Variants in LYAR observed in about 807,000 individuals in gnomAD.
The protein encoded by LYAR is cell growth-regulating nucleolar protein.
A neutral mutation model predicts 45.2 loss-of-function variants in LYAR; 37 were observed. The observed-to-expected ratio is 0.82, with a 90% CI of 0.63 to 1.08. The LOEUF (loss-of-function observed/expected upper bound fraction) is 1.08, where lower values mean the gene tolerates loss of function less well. Ranked by LOEUF, LYAR falls within the 50% of genes least tolerant of loss-of-function variation. LYAR has a pLI of 0.00. For missense variants in LYAR, 493 were observed against 451.0 expected, an observed-to-expected ratio of 1.09 and a Z score of -0.84; for synonymous variants, 176 against 155.1, an observed-to-expected ratio of 1.14 and a Z score of -1.00.
intron 8 of LYAR, among the ~76,000 whole-genome samples, 174 bp downstream of exon 8, chr4:4,273,407 TTC>T (rs1719021480): frequency 6.6e-6 from 1 of 152,218 alleles, no homozygotes; most frequent in Non-Finnish European, 1.5e-5. Context: ...GACCGTGTAT[TTC>T]TCTCTTTTCT....
intron 8 of LYAR, 162 bp from the exon 9 acceptor site, chr4:4,268,777 A>G: frequency 1.8e-6 from 1 of 566,516 alleles, no homozygotes; most frequent in Non-Finnish European, 3.1e-6. Flanking sequence ...CCAATGTCCT[A>G]GAAGCACTCA....
At chr4:4,268,153 C>G (rs1718788945) in intron 9 of LYAR, 130 bp from the exon 10 acceptor site, 2 of 840,092 alleles carry the variant, frequency 2.4e-6, no homozygotes, top group African/African-American at 1.8e-5. Context: ...CACCGGCGTG[C>G]TCTCCTTGGA....
chr4:4,284,758 G>T (rs1241447450), intron 2 of LYAR, among the ~76,000 whole-genome samples: 1 of 152,104 alleles, frequency 6.6e-6, no homozygotes, highest in African/African-American at 2.4e-5. Flanking sequence ...AAACAGCATT[G>T]TTGTTTTACA....
intron 2 of LYAR, among the ~76,000 whole-genome samples, chr4:4,284,653 G>A (rs942406542): frequency 1.3e-5 from 2 of 152,166 alleles, no homozygotes; most frequent in African/African-American, 4.8e-5. Context: ...TCACAGAAAT[G>A]CTACCGTGCT....
At position 4,283,764 on chromosome 4, in the gene LYAR, T is replaced by G. The variant is rs373265074; in HGVS notation, c.-22A>C. The stretch of plus-strand genomic sequence containing the variant: ...CCATTTTTAGGTAAATGGCTAAATA[T>G]TCTCTATCCAAGACAGGTTTTAAGT... On this transcript the variant is annotated 5_prime_UTR_variant, in exon 3 of 10. Coordinates refer to ENST00000343470, the MANE Select transcript of LYAR (RefSeq NM_017816.3). The G allele has an allele frequency of 2.9e-5, 46 of 1,600,270 alleles. No homozygotes were observed. Among genetic ancestry groups the G allele is most frequent in the Non-Finnish European group, 3.8e-5 (45 of 1,174,190 alleles).
At chr4:4,287,388 G>A (rs1288170883) in intron 1 of LYAR, among the ~76,000 whole-genome samples, 2 of 152,146 alleles carry the variant, frequency 1.3e-5, no homozygotes, top group African/African-American at 4.8e-5. Flanking sequence ...GGGCCCTCAC[G>A]CAGGTCCTCT....
chr4:4,275,783 C>A (rs1719155300), intron 6 of LYAR, among the ~76,000 whole-genome samples: 1 of 152,106 alleles, frequency 6.6e-6, no homozygotes, highest in Admixed American at 6.5e-5. Context: ...GCAACCTCCA[C>A]CTCCCAGATT....
At chr4:4,268,688 G>A in intron 8 of LYAR, 73 bp from the exon 9 acceptor site, 1 of 934,150 alleles carries the variant, frequency 1.1e-6, no homozygotes, top group Admixed American at 2.1e-5. Flanking sequence ...AACAACTTCT[G>A]CAACACCTAT....
At chr4:4,283,158 T>TC (rs937002137) in intron 3 of LYAR, among the ~76,000 whole-genome samples, 2 of 151,998 alleles carry the variant, frequency 1.3e-5, no homozygotes, top group African/African-American at 4.8e-5. Flanking sequence ...AGCACATTTC[T>TC]CCCCCCCAAG....
intron 2 of LYAR, among the ~76,000 whole-genome samples, chr4:4,286,069 A>G (rs2117286): frequency 0.39 from 59,345 of 152,066 alleles, 12,465 homozygotes; most frequent in East Asian, 0.55. Flanking sequence ...GTTTAAGGCC[A>G]AATGGGTGGA....
chr4:4,267,805 T>A lies in LYAR; in HGVS notation c.*84A>T. The A allele has an allele frequency of 8.5e-7, 1 of 1,180,250 alleles. No homozygotes were observed. The highest frequency in any genetic ancestry group is 1.1e-6 in the Non-Finnish European group (1 of 892,650). The allele number at this position is 1,180,250 out of a possible 1,614,324, so 73.1% of individuals were successfully genotyped here. On this transcript the variant is annotated 3_prime_UTR_variant, in exon 10 of 10. Coordinates refer to ENST00000343470, the MANE Select transcript of LYAR (RefSeq NM_017816.3). ...CAGCTTCAAAAAGCAAAATTTGAGT[T>A]GTTAGAATTCATTACACATTTTATA...
intron 8 of LYAR, among the ~76,000 whole-genome samples, chr4:4,271,388 C>A (rs1402351269): frequency 6.6e-6 from 1 of 152,204 alleles, no homozygotes; most frequent in African/African-American, 2.4e-5. Flanking sequence ...TGTGTACATG[C>A]ACCACATTTT....
At chr4:4,269,866 GATAA>G (rs1468582479) in intron 8 of LYAR, among the ~76,000 whole-genome samples, 1 of 152,212 alleles carries the variant, frequency 6.6e-6, no homozygotes, top group Non-Finnish European at 1.5e-5. Flanking sequence ...TATGTGAGGT[GATAA>G]ATGTGTTAAT....
chr4:4,280,282 G>T (rs1198371883), intron 4 of LYAR, among the ~76,000 whole-genome samples: 3 of 152,084 alleles, frequency 2.0e-5, no homozygotes, highest in Non-Finnish European at 4.4e-5. Context: ...ACAAATAAAT[G>T]AAAAACATTC....
rs752937370 is a variant in LYAR, at chr4:4,279,751, T to C, written c.238-2A>G. ...TCTCTTTATTAATTCACTAATTTTCTACAAAAAGGGAAGAAAAAAGAAAAA... is the reference window on the plus strand; with the variant it reads ...TCTCTTTATTAATTCACTAATTTTCCACAAAAAGGGAAGAAAAAAGAAAAA... On this transcript the variant is annotated splice_acceptor_variant, in intron 4 of 9. Coordinates refer to ENST00000343470, the MANE Select transcript of LYAR (RefSeq NM_017816.3). LOFTEE classifies it high-confidence loss of function. The C allele has an allele frequency of 6.4e-7, 1 of 1,564,904 alleles. No homozygotes were observed. The highest frequency in any genetic ancestry group is 1.8e-5 in the Admixed American group (1 of 54,734).
At chr4:4,287,624 G>A (rs756271773) in intron 1 of LYAR, among the ~76,000 whole-genome samples, 2 of 152,116 alleles carry the variant, frequency 1.3e-5, no homozygotes, top group Non-Finnish European at 2.9e-5. Context: ...GGCTCAGGAG[G>A]GTAAGTGAAC....
Position 4,273,596 on chromosome 4 carries a change from C to T in LYAR, c.906G>A (p.Glu302=), listed in dbSNP as rs1246469787. 6.2e-7 allele frequency: 1 copy of T among 1,613,200 alleles called. No homozygotes were observed. The highest frequency in any genetic ancestry group is 2.2e-5 in the East Asian group (1 of 44,870). The part of the protein sequence containing the change: ...HPEGGEPEDD[E]APAKGKFNWK... ...GCAGTGATATACCTTTTGCAGGAGC[C>T]TCATCGTCTTCTGGTTCTCCGCCCT... Residue 302 remains glutamate, a synonymous_variant, in exon 8 of 10, where the codon GAG becomes GAA. Transcript: ENST00000343470.
rs1719137395 is a variant in LYAR at position 4,275,379 on chromosome 4, T to C, written c.430-610A>G. Among the ~76,000 whole-genome samples the C allele has an allele frequency of 2.0e-5, 3 of 152,166 alleles. No homozygotes were observed. In the South Asian group the frequency reaches 6.2e-4, roughly 32 times the overall value. On this transcript the variant is annotated intron_variant, in intron 6 of 9. Coordinates refer to ENST00000343470, the MANE Select transcript of LYAR (RefSeq NM_017816.3). ...CAGCCTTAGAAAATGGTACTGTTAT[T>C]ATCATCATTATTCAGACTGGAAAGT... is the stretch of plus-strand genomic sequence containing the variant.
In LYAR at chr4:4,275,036, G is replaced by A. The variant is rs1173824955; in HGVS notation, c.430-267C>T. Among the ~76,000 whole-genome samples, 4 of 152,130 alleles carry A rather than the reference G, an allele frequency of 2.6e-5. No individual in the cohort carries two copies. In the East Asian group the frequency reaches 5.8e-4, roughly 22 times the overall value. On this transcript the variant is annotated intron_variant, in intron 6 of 9. Transcript: ENST00000343470. The stretch of plus-strand genomic sequence containing the variant: ...TGGAAAAGTGAAGAATCCTTATGTC[G>A]CTGAAGATAAGACCTTTCATTCCAG...
Sources: allele counts gnomAD v4.1 joint callset (sites outside exome capture counted in the v4.1 genomes callset), GRCh38; gene constraint gnomAD v4.1.1; transcripts MANE v1.5; gene names NCBI Gene and HGNC (gene_info 2026-07-23, HGNC 2026-07-21).